The following TMEM132C variants were observed in gnomAD, a reference collection of about 807,000 sequenced individuals.
TMEM132C encodes the protein protein phosphatase 1, regulatory subunit 152.
Under a neutral mutation model 61.4 loss-of-function variants are expected in TMEM132C, and 29 were observed. That is an observed-to-expected ratio of 0.47 (90% CI 0.35 to 0.64). TMEM132C has a LOEUF of 0.64. Among genes scored for constraint, TMEM132C ranks in the 30% least tolerant of loss-of-function variants. The pLI, the probability that TMEM132C is intolerant of heterozygous loss-of-function variation, is 0.00. For synonymous variants in TMEM132C, 656 were observed against 633.1 expected (o/e 1.04, Z -0.54); for missense variants, 1,408 against 1,476.9 (o/e 0.95, Z 0.76).
intron 2 of TMEM132C, among the ~76,000 whole-genome samples, chr12:128,473,767 C>T (rs1324050858): frequency 3.9e-5 from 6 of 151,982 alleles, no homozygotes; most frequent in African/African-American, 1.4e-4. Flanking sequence ...CACGTGTCTT[C>T]TGCTCCCAGC....
At chr12:128,543,936 C>T in intron 2 of TMEM132C, 21 bp from the exon 3 acceptor site, 1 of 1,542,706 alleles carries the variant, frequency 6.5e-7, no homozygotes, top group Non-Finnish European at 8.7e-7. Context: ...CTCTCTCTCT[C>T]TCCCATCTTC....
chr12:128,624,311 C>T (rs993316777), intron 4 of TMEM132C, among the ~76,000 whole-genome samples: 13 of 151,684 alleles, frequency 8.6e-5, no homozygotes, highest in Admixed American at 3.3e-4. Flanking sequence ...TTTGGGAGCC[C>T]GAGGCGAGTG....
chr12:128,502,717 CA>C (rs1206806959), intron 2 of TMEM132C, among the ~76,000 whole-genome samples: 1 of 152,188 alleles, frequency 6.6e-6, no homozygotes, highest in East Asian at 1.9e-4. Context: ...GCCAAGGCAA[CA>C]GGTTCAAGGT....
Position 128,589,701 on chromosome 12 carries a change from T to A in TMEM132C, c.1122-26451T>A, listed in dbSNP as rs114735844. ...TGCTCAGCATTCACTTTCCAGGGCCTGTAGCACCTATTTGATACCTGAAAG... is the reference window on the plus strand; with the variant it reads ...TGCTCAGCATTCACTTTCCAGGGCCAGTAGCACCTATTTGATACCTGAAAG... On this transcript the variant is annotated intron_variant, in intron 3 of 8. Coordinates refer to ENST00000435159, the MANE Select transcript of TMEM132C (RefSeq NM_001136103.3). Among the ~76,000 whole-genome samples the A allele has an allele frequency of 4.7e-3, 710 of 152,320 alleles. 5 individuals carry two copies. Among genetic ancestry groups the A allele is most frequent in the African/African-American group, 0.016 (675 of 41,572 alleles).
chr12:128,312,944 C>T (rs1872025772), intron 1 of TMEM132C, among the ~76,000 whole-genome samples: 1 of 152,192 alleles, frequency 6.6e-6, no homozygotes, highest in Admixed American at 6.5e-5. Context: ...TTTGTGTTTC[C>T]CCAGTGGAGG....
intron 4 of TMEM132C, among the ~76,000 whole-genome samples, chr12:128,659,313 C>A (rs914818597): frequency 2.0e-5 from 3 of 152,192 alleles, no homozygotes; most frequent in Non-Finnish European, 4.4e-5. Flanking sequence ...TGAAAGACGT[C>A]TGTGAAGCCA....
At chr12:128,293,977 G>A (rs770489263) in intron 1 of TMEM132C, 9 of 154,436 alleles carry the variant, frequency 5.8e-5, no homozygotes, top group Middle Eastern at 5.1e-4. Context: ...ATTTGGTGCA[G>A]AATATTTCCG....
At chr12:128,315,579 C>T (rs1482012728) in intron 1 of TMEM132C, among the ~76,000 whole-genome samples, 2 of 151,986 alleles carry the variant, frequency 1.3e-5, no homozygotes, top group African/African-American at 4.8e-5. Context: ...CAGGAAGGGT[C>T]GGGAGCCTAT....
intron 5 of TMEM132C, among the ~76,000 whole-genome samples, chr12:128,681,549 T>A (rs1954634255): frequency 6.6e-6 from 1 of 152,138 alleles, no homozygotes. Context: ...TATTTTTATG[T>A]TATTTCCGAC....
chr12:128,350,217 G>C (rs779432996), intron 1 of TMEM132C, among the ~76,000 whole-genome samples: 2 of 152,076 alleles, frequency 1.3e-5, no homozygotes, highest in Non-Finnish European at 2.9e-5. Context: ...TTCTTAAGCA[G>C]TTTGGGGGCT....
At chr12:128,317,524 C>T in intron 1 of TMEM132C, among the ~76,000 whole-genome samples, 1 of 152,202 alleles carries the variant, frequency 6.6e-6, no homozygotes, top group East Asian at 1.9e-4. Flanking sequence ...CATTTCTTTT[C>T]TGTTTCCTTT....
At chr12:128,408,822 A>C in intron 1 of TMEM132C, among the ~76,000 whole-genome samples, 1 of 152,152 alleles carries the variant, frequency 6.6e-6, no homozygotes, top group Non-Finnish European at 1.5e-5. Flanking sequence ...CATCTTGACA[A>C]TCCAAGTCCG....
intron 5 of TMEM132C, among the ~76,000 whole-genome samples, chr12:128,674,779 G>A (rs1190683027): frequency 1.3e-5 from 2 of 151,986 alleles, no homozygotes; most frequent in South Asian, 2.1e-4. Context: ...ACCATCACCC[G>A]AGCAGTATAC....
chr12:128,312,634 G>C (rs1225985102), intron 1 of TMEM132C, among the ~76,000 whole-genome samples: 1 of 152,164 alleles, frequency 6.6e-6, no homozygotes, highest in Non-Finnish European at 1.5e-5. Context: ...ACACTAAGGA[G>C]CACCAAGAAT....
chr12:128,647,510 G>C (rs1023062053), intron 4 of TMEM132C, among the ~76,000 whole-genome samples: 10 of 151,602 alleles, frequency 6.6e-5, no homozygotes, highest in Non-Finnish European at 1.2e-4. Context: ...CATCAATGTT[G>C]GATATGAGTG....
At chr12:128,327,647 T>C (rs1299346150) in intron 1 of TMEM132C, among the ~76,000 whole-genome samples, 1 of 152,120 alleles carries the variant, frequency 6.6e-6, no homozygotes, top group Non-Finnish European at 1.5e-5. Context: ...GCTCCCAAAG[T>C]GCTGGGATTA....
At chr12:128,687,361 A>G (rs1175045853) in intron 5 of TMEM132C, among the ~76,000 whole-genome samples, 2 of 152,154 alleles carry the variant, frequency 1.3e-5, no homozygotes, top group African/African-American at 2.4e-5. Flanking sequence ...GTTGAGTACC[A>G]TCATCCCTAC....
chr12:128,556,259 A>G (rs547179500), intron 3 of TMEM132C, among the ~76,000 whole-genome samples: 133 of 152,318 alleles, frequency 8.7e-4, no homozygotes, highest in African/African-American at 3.0e-3. Flanking sequence ...CCCACAGTTT[A>G]TCATCCCATC....
chr12:128,272,276 C>A (rs764005888), intron 1 of TMEM132C, among the ~76,000 whole-genome samples: 1 of 142,598 alleles, frequency 7.0e-6, no homozygotes, highest in East Asian at 2.0e-4. Flanking sequence ...AAAACAGGAT[C>A]ATGCAGTATG....
Sources: allele counts gnomAD v4.1 joint callset (sites outside exome capture counted in the v4.1 genomes callset), GRCh38; gene constraint gnomAD v4.1.1; transcripts MANE v1.5; gene names NCBI Gene and HGNC (gene_info 2026-07-23, HGNC 2026-07-21).